The following MFAP3L variants were observed in gnomAD, a reference collection of about 807,000 sequenced individuals.
The protein encoded by MFAP3L is microfibril associated protein 3 like.
MFAP3L carries 5 observed loss-of-function variants against 20.0 expected under a neutral mutation model. The ratio of observed to expected loss-of-function variants is 0.25; its 90% CI spans 0.13 to 0.53. The LOEUF is 0.53. Ranked by LOEUF, MFAP3L falls within the 20% of genes least tolerant of loss-of-function variation. The pLI is 0.96. For missense variants in MFAP3L, 409 were observed against 527.5 expected (o/e 0.78, Z 2.20); for synonymous variants, 219 against 213.0 (o/e 1.03, Z -0.25).
At position 169,997,814 on chromosome 4, in the gene MFAP3L, T is replaced by G. The variant is rs889071589; in HGVS notation, c.299-5505A>C. On this transcript the variant is annotated intron_variant, in intron 2 of 2. Transcript: ENST00000361618. Reference sequence around the variant, plus strand: ...CCTTTCATTAATTCTTTTTTTTTTTTTTTTAATATTGCTGAGAATGTAGGG... The same window carrying G: ...CCTTTCATTAATTCTTTTTTTTTTTGTTTTAATATTGCTGAGAATGTAGGG... 28 of 982,832 alleles carry G rather than the reference T, an allele frequency of 2.8e-5. No individual in the cohort carries two copies. In the African/African-American group the frequency reaches 4.8e-4, roughly 17 times the overall value. 60.9% of individuals were successfully genotyped at this position (982,832 alleles called of 1,614,324 possible). A position where few individuals can be genotyped will look rare whatever the true frequency, so the allele number is the denominator to read the frequency against.
At chr4:170,026,855 C>T (rs1386484784), upstream of MFAP3L, 2 of 152,298 alleles carry the variant, frequency 1.3e-5, no homozygotes, top group East Asian at 3.9e-4. Context: ...CACCCCCAAG[C>T]CTACCCTGTC....
chr4:169,993,409 T>G (rs1376924978), intron 2 of MFAP3L: 1 of 152,228 alleles, frequency 6.6e-6, no homozygotes, highest in Non-Finnish European at 1.5e-5. Flanking sequence ...CTGGGGCAAC[T>G]GAACGCAGTT....
intron 2 of MFAP3L, among the ~76,000 whole-genome samples, chr4:170,001,666 T>A (rs1581477495): frequency 6.6e-6 from 1 of 152,198 alleles, no homozygotes; most frequent in African/African-American, 2.4e-5. Context: ...CTGGCTACTA[T>A]ACATTTCTAC....
intron 2 of MFAP3L, among the ~76,000 whole-genome samples, chr4:169,999,505 T>C (rs1290667437): frequency 6.6e-6 from 1 of 152,204 alleles, no homozygotes; most frequent in Non-Finnish European, 1.5e-5. Flanking sequence ...GGAATCATAA[T>C]ACATGGGCTC....
chr4:170,010,811 G>T (rs543519697), intron 1 of MFAP3L, among the ~76,000 whole-genome samples: 3 of 151,850 alleles, frequency 2.0e-5, no homozygotes, highest in African/African-American at 4.9e-5. Context: ...TGCATTGCGG[G>T]GGGGTGGGTG....
intron 2 of MFAP3L, among the ~76,000 whole-genome samples, chr4:169,999,915 T>C (rs1738494530): frequency 6.6e-6 from 1 of 152,078 alleles, no homozygotes; most frequent in Admixed American, 6.6e-5. Flanking sequence ...ATTGTAGGGG[T>C]CTGTCCTGTG....
chr4:170,012,487 C>G (rs1739443768), intron 1 of MFAP3L, among the ~76,000 whole-genome samples: 1 of 152,212 alleles, frequency 6.6e-6, no homozygotes, highest in African/African-American at 2.4e-5. Flanking sequence ...GAGGGCCTGT[C>G]TGCTAGCAGT....
In MFAP3L at chr4:170,026,358, G is replaced by T; in HGVS notation, c.-258C>A. ...CGCCTACTGCGGGCGAGCCGCCTCC[G>T]CCGGCGCCTCACAGCGTTGCGAGCT... On this transcript the variant is annotated 5_prime_UTR_variant, in exon 1 of 3. Coordinates refer to ENST00000361618, the MANE Select transcript of MFAP3L (RefSeq NM_021647.8). The T allele has an allele frequency of 1.1e-6, 1 of 900,452 alleles. No individual in the cohort carries two copies. Among genetic ancestry groups the T allele is most frequent in the Non-Finnish European group, 1.3e-6 (1 of 753,542 alleles). The allele number at this position is 900,452 out of a possible 1,614,324, so 55.8% of individuals were successfully genotyped here. A position where few individuals can be genotyped will look rare whatever the true frequency, so the allele number is the denominator to read the frequency against.
At chr4:170,010,408 A>T (rs971671104) in intron 1 of MFAP3L, among the ~76,000 whole-genome samples, 1 of 152,158 alleles carries the variant, frequency 6.6e-6, no homozygotes, top group Non-Finnish European at 1.5e-5. Context: ...CACTCAGTCC[A>T]CTTACATGCA....
At position 169,992,260 on chromosome 4, in the gene MFAP3L, G is replaced by T. The variant is rs745919164; in HGVS notation, c.348C>A (p.Ser116=). Residue 116 remains serine, a synonymous_variant, in exon 3 of 3, where the codon TCC becomes TCA. Coordinates refer to ENST00000361618, the MANE Select transcript of MFAP3L (RefSeq NM_021647.8). The surrounding 1 kb of genome is among the most constrained non-coding windows in gnomAD (Gnocchi z 4.3). ...DSGLLNITKV[S]FSDRGKYTCV... ...ACGTGTATTTACCTCGGTCTGAGAA[G>T]GATACCTTGGTGATGTTCAGGAGGC... 6.2e-7 allele frequency: 1 copy of T among 1,613,810 alleles called. No individual in the cohort carries two copies. Among genetic ancestry groups the T allele is most frequent in the Non-Finnish European group, 8.5e-7 (1 of 1,179,846 alleles).
intron 2 of MFAP3L, chr4:169,993,413 C>T (rs929156605): frequency 2.6e-5 from 4 of 152,212 alleles, no homozygotes; most frequent in Admixed American, 6.5e-5. Context: ...GGCAACTGAA[C>T]GCAGTTTCAA....
At chr4:170,011,094 G>T (rs1401513874) in intron 1 of MFAP3L, among the ~76,000 whole-genome samples, 2 of 152,166 alleles carry the variant, frequency 1.3e-5, no homozygotes. Flanking sequence ...TTTCTTGCCT[G>T]CTGCCGTGTA....
At chr4:169,994,430 C>T (rs1016275540) in intron 2 of MFAP3L, 4 of 984,646 alleles carry the variant, frequency 4.1e-6, no homozygotes, top group Admixed American at 1.2e-4. Flanking sequence ...TTCCCCAAAC[C>T]TAAGTTACAA....
intron 1 of MFAP3L, among the ~76,000 whole-genome samples, chr4:170,007,293 T>C (rs1247554042): frequency 6.6e-6 from 1 of 152,180 alleles, no homozygotes; most frequent in Non-Finnish European, 1.5e-5. Context: ...CAGACTGCAA[T>C]GGCATGATAG....
At chr4:170,025,264 C>G (rs982679052) in intron 1 of MFAP3L, among the ~76,000 whole-genome samples, 1 of 152,130 alleles carries the variant, frequency 6.6e-6, no homozygotes, top group African/African-American at 2.4e-5. Context: ...CTATGTTCAG[C>G]ATAGTAGCAA....
intron 2 of MFAP3L, chr4:169,993,784 AACCC>A (rs1396623194): frequency 2.0e-5 from 3 of 152,172 alleles, no homozygotes; most frequent in African/African-American, 7.2e-5. Flanking sequence ...GTCCCTGAGT[AACCC>A]TTTTCTAACA....
At chr4:169,995,600 C>T (rs1221531281) in intron 2 of MFAP3L, among the ~76,000 whole-genome samples, 2 of 152,206 alleles carry the variant, frequency 1.3e-5, no homozygotes, top group Non-Finnish European at 1.5e-5. Flanking sequence ...CTGCACATTA[C>T]CATTCGCATC....
At chr4:170,025,671 A>G (rs1232790619) in intron 1 of MFAP3L, among the ~76,000 whole-genome samples, 2 of 152,088 alleles carry the variant, frequency 1.3e-5, no homozygotes, top group African/African-American at 4.8e-5. Context: ...TCAACTTGTT[A>G]TGGAGTCAAA....
chr4:169,997,709 G>A (rs1738283397), intron 2 of MFAP3L: 3 of 985,176 alleles, frequency 3.0e-6, no homozygotes. Context: ...GGTATAAGGG[G>A]CAGGCCCGGT....
Sources: allele counts gnomAD v4.1 joint callset (sites outside exome capture counted in the v4.1 genomes callset), GRCh38; gene constraint gnomAD v4.1.1; non-coding constraint Gnocchi (gnomAD v3.1); transcripts MANE v1.5; gene names NCBI Gene and HGNC (gene_info 2026-07-23, HGNC 2026-07-21).